MARCHF1: variants seen among roughly 807,000 people sequenced by gnomAD.
The protein encoded by MARCHF1 is membrane associated ring-CH-type finger 1.
Under a neutral mutation model 54.2 loss-of-function variants are expected in MARCHF1, and 40 were observed. The observed-to-expected ratio is 0.74, with a 90% CI of 0.57 to 0.96. The LOEUF (loss-of-function observed/expected upper bound fraction) is 0.96. MARCHF1 is among the 40% of genes least tolerant of loss of function. The pLI, the probability that MARCHF1 is intolerant of heterozygous loss-of-function variation, is 0.00. For missense variants in MARCHF1, 586 were observed against 656.5 expected (o/e 0.89, Z 1.17); for synonymous variants, 236 against 236.3 (o/e 1.00, Z 0.01).
chr4:164,074,161 G>T (rs779977372), intron 2 of MARCHF1, among the ~76,000 whole-genome samples: 3 of 152,164 alleles, frequency 2.0e-5, no homozygotes, highest in Non-Finnish European at 4.4e-5. Flanking sequence ...AAATTAATTA[G>T]CCTGCCTCCA....
At chr4:164,264,171 T>A (rs1733543300) in intron 1 of MARCHF1, among the ~76,000 whole-genome samples, 2 of 152,182 alleles carry the variant, frequency 1.3e-5, no homozygotes, top group Admixed American at 1.3e-4. Context: ...CATTAAAAAA[T>A]GATATCATGT....
rs182923578 is a variant in MARCHF1 at position 163,625,570 on chromosome 4, T to C, written c.163-12177A>G. On this transcript the variant is annotated intron_variant, in intron 5 of 9. Coordinates refer to ENST00000514618, the MANE Select transcript of MARCHF1 (RefSeq NM_001394959.1). ...AATCCTATGCTGATTGCAGTAGAGA[T>C]AGAGATGACAATCGCATCACAGCGA... is the stretch of plus-strand genomic sequence containing the variant. 2.6e-3 allele frequency among the ~76,000 whole-genome samples: 398 copies of C among 152,316 alleles called. 1 individual carries two copies. Among genetic ancestry groups the C allele is most frequent in the African/African-American group, 9.3e-3 (386 of 41,576 alleles).
intron 4 of MARCHF1, among the ~76,000 whole-genome samples, chr4:163,731,842 C>G (rs1045726536): frequency 1.3e-5 from 2 of 152,082 alleles, no homozygotes; most frequent in Non-Finnish European, 2.9e-5. Context: ...GAAGTTTTTC[C>G]TAGTAATGGA....
At chr4:163,694,329 C>T (rs553976798) in intron 5 of MARCHF1, among the ~76,000 whole-genome samples, 2 of 152,252 alleles carry the variant, frequency 1.3e-5, no homozygotes, top group South Asian at 4.1e-4. Context: ...TACTGCAATT[C>T]TCTTTGGAAA....
intron 4 of MARCHF1, among the ~76,000 whole-genome samples, chr4:163,748,406 CAA>C (rs11315071): frequency 0.011 from 1,391 of 128,082 alleles, 14 homozygotes; most frequent in African/African-American, 0.032. Flanking sequence ...TAATTTCTAC[CAA>C]AAAAAAAAAA....
At chr4:164,348,680 T>G (rs927363965) in intron 1 of MARCHF1, among the ~76,000 whole-genome samples, 1 of 152,140 alleles carries the variant, frequency 6.6e-6, no homozygotes, top group Non-Finnish European at 1.5e-5. Context: ...AATGAATTAA[T>G]AATAACAAGT....
At position 163,816,173 on chromosome 4, in the gene MARCHF1, C is replaced by G. The variant is rs570300056; in HGVS notation, c.111+37848G>C. On this transcript the variant is annotated intron_variant, in intron 4 of 9. Coordinates refer to ENST00000514618, the MANE Select transcript of MARCHF1 (RefSeq NM_001394959.1). ...TAAAATTAAGGAGACTTCAGTGGGA[C>G]CAGATGTTTGTAATTACATTTAAAC... Among the ~76,000 whole-genome samples, 249 of 152,266 alleles carry G rather than the reference C, an allele frequency of 1.6e-3. 1 individual carries two copies. The highest frequency in any genetic ancestry group is 5.8e-3 in the African/African-American group (239 of 41,548).
intron 4 of MARCHF1, among the ~76,000 whole-genome samples, chr4:163,716,325 T>G (rs967363673): frequency 6.6e-6 from 1 of 152,238 alleles, no homozygotes; most frequent in Non-Finnish European, 1.5e-5. Context: ...AATATTATGT[T>G]TATTTGTACG....
chr4:163,651,460 T>G (rs1742960442), intron 5 of MARCHF1, among the ~76,000 whole-genome samples: 1 of 151,740 alleles, frequency 6.6e-6, no homozygotes, highest in Admixed American at 6.6e-5. Flanking sequence ...ACTGCCACCT[T>G]AGGTGTCTGC....
chr4:163,799,690 A>T (rs1748024371), intron 4 of MARCHF1, among the ~76,000 whole-genome samples: 1 of 152,134 alleles, frequency 6.6e-6, no homozygotes, highest in Non-Finnish European at 1.5e-5. Flanking sequence ...TTCCTTAATG[A>T]TGAAGAATTC....
At chr4:164,303,501 T>C (rs1449043478) in intron 1 of MARCHF1, among the ~76,000 whole-genome samples, 1 of 152,148 alleles carries the variant, frequency 6.6e-6, no homozygotes. Context: ...AAATAATCCT[T>C]TCACAGGATT....
intron 1 of MARCHF1, among the ~76,000 whole-genome samples, chr4:164,333,087 A>G (rs1179268918): frequency 1.3e-5 from 2 of 151,842 alleles, no homozygotes; most frequent in African/African-American, 4.8e-5. Context: ...GAGGAGTGTG[A>G]AAAAAAAGAA....
chr4:163,607,816 T>G (rs1741193559), intron 7 of MARCHF1, among the ~76,000 whole-genome samples: 2 of 152,040 alleles, frequency 1.3e-5, no homozygotes, highest in Admixed American at 1.3e-4. Context: ...ATTTTAAAAA[T>G]ACAAGTTAAT....
intron 3 of MARCHF1, among the ~76,000 whole-genome samples, chr4:163,930,489 T>G (rs1239655558): frequency 4.0e-5 from 6 of 151,480 alleles, no homozygotes; most frequent in African/African-American, 1.5e-4. Flanking sequence ...TTTTTTTTTT[T>G]TTTTTCTGGT....
At chr4:164,110,985 A>G (rs1228401256) in intron 2 of MARCHF1, among the ~76,000 whole-genome samples, 4 of 151,824 alleles carry the variant, frequency 2.6e-5, no homozygotes, top group Admixed American at 1.3e-4. Flanking sequence ...TTTTCTACAC[A>G]ATAGCCTTTG....
chr4:163,958,273 T>G (rs1035985563), intron 3 of MARCHF1, among the ~76,000 whole-genome samples: 1 of 149,220 alleles, frequency 6.7e-6, no homozygotes. Context: ...GTGTGTGTGT[T>G]TGGTCATTGC....
intron 2 of MARCHF1, among the ~76,000 whole-genome samples, chr4:164,039,362 G>C (rs1754076876): frequency 6.6e-6 from 1 of 152,124 alleles, no homozygotes; most frequent in Admixed American, 6.6e-5. Flanking sequence ...TACACAGAAA[G>C]AACCTGGGTT....
intron 3 of MARCHF1, among the ~76,000 whole-genome samples, chr4:163,913,335 C>G (rs1237403944): frequency 7.9e-5 from 12 of 152,136 alleles, no homozygotes; most frequent in Admixed American, 7.2e-4. Context: ...AAAGAGGGAT[C>G]TGCTTCTGTT....
chr4:164,332,182 T>C (rs2110807677), intron 1 of MARCHF1, among the ~76,000 whole-genome samples: 1 of 152,302 alleles, frequency 6.6e-6, no homozygotes, highest in East Asian at 1.9e-4. Flanking sequence ...CCGTCAGGTC[T>C]TTTTTATTTG....
Sources: allele counts gnomAD v4.1 joint callset (sites outside exome capture counted in the v4.1 genomes callset), GRCh38; gene constraint gnomAD v4.1.1; transcripts MANE v1.5; gene names NCBI Gene and HGNC (gene_info 2026-07-23, HGNC 2026-07-21).